The following ADAMTS17 variants were observed in gnomAD, a reference collection of about 807,000 sequenced individuals.
ADAMTS17 encodes the protein ADAM metallopeptidase with thrombospondin type 1 motif 17, also known as A disintegrin and metalloproteinase with thrombospondin motifs 17.
Under a neutral mutation model 141.5 loss-of-function variants are expected in ADAMTS17, and 113 were observed. The ratio of observed to expected loss-of-function variants is 0.80; its 90% CI spans 0.69 to 0.93. The LOEUF (loss-of-function observed/expected upper bound fraction) is 0.93, where lower values mean the gene tolerates loss of function less well. Among genes scored for constraint, ADAMTS17 ranks in the 40% least tolerant of loss-of-function variants. ADAMTS17 has a pLI of 0.00. For missense variants in ADAMTS17, 1,659 were observed against 1,517.9 expected (o/e 1.09, Z -1.54); for synonymous variants, 768 against 630.6 (o/e 1.22, Z -3.27).
chr15:100,268,006 T>A (rs528545968), intron 4 of ADAMTS17, among the ~76,000 whole-genome samples: 1 of 152,236 alleles, frequency 6.6e-6, no homozygotes, highest in Non-Finnish European at 1.5e-5. Context: ...TATATCCACA[T>A]GTACCCAGTG....
At chr15:100,154,987 C>G (rs556299262) in intron 9 of ADAMTS17, among the ~76,000 whole-genome samples, 193 bp downstream of exon 9, 75 of 152,226 alleles carry the variant, frequency 4.9e-4, no homozygotes, top group Non-Finnish European at 9.0e-4. Context: ...GTGCGCCCAT[C>G]GCTGGAGCAG....
At chr15:99,999,577 G>A (rs973030411) in intron 18 of ADAMTS17, among the ~76,000 whole-genome samples, 1 of 152,164 alleles carries the variant, frequency 6.6e-6, no homozygotes, top group Non-Finnish European at 1.5e-5. Flanking sequence ...GATTTGGGGG[G>A]CAGAAGGGTG....
At chr15:100,222,228 G>A (rs1468164184) in intron 7 of ADAMTS17, among the ~76,000 whole-genome samples, 1 of 152,190 alleles carries the variant, frequency 6.6e-6, no homozygotes, top group Non-Finnish European at 1.5e-5. Context: ...AGGAAGCAGA[G>A]TGCCAGGTAA....
At chr15:100,180,655 G>C (rs779709396) in intron 8 of ADAMTS17, among the ~76,000 whole-genome samples, 7 of 152,168 alleles carry the variant, frequency 4.6e-5, no homozygotes, top group Non-Finnish European at 8.8e-5. Flanking sequence ...CATGAACGCT[G>C]AATATCTTTC....
intron 7 of ADAMTS17, among the ~76,000 whole-genome samples, chr15:100,224,213 T>C (rs904465808): frequency 6.6e-6 from 1 of 152,126 alleles, no homozygotes; most frequent in African/African-American, 2.4e-5. Context: ...GTATTAACCA[T>C]CATGGTGGGG....
intron 6 of ADAMTS17, among the ~76,000 whole-genome samples, chr15:100,259,462 G>A (rs955222538): frequency 1.1e-4 from 17 of 152,338 alleles, no homozygotes; most frequent in Non-Finnish European, 1.9e-4. Context: ...TCTTGGGGAG[G>A]GCGGTGCCTG....
intron 15 of ADAMTS17, among the ~76,000 whole-genome samples, chr15:100,089,482 G>T (rs1299269842): frequency 2.0e-5 from 3 of 150,890 alleles, no homozygotes; most frequent in Non-Finnish European, 4.4e-5. Context: ...CCATTACTGG[G>T]TATATACCCA....
intron 18 of ADAMTS17, among the ~76,000 whole-genome samples, chr15:100,023,779 C>T (rs1349672394): frequency 6.6e-6 from 1 of 152,150 alleles, no homozygotes; most frequent in Non-Finnish European, 1.5e-5. Context: ...TGACAAGTGA[C>T]CTGGAGCTTA....
chr15:100,289,314 A>G (rs1418538682), intron 3 of ADAMTS17, among the ~76,000 whole-genome samples: 1 of 152,064 alleles, frequency 6.6e-6, no homozygotes, highest in East Asian at 1.9e-4. Flanking sequence ...TCCCTGAAAA[A>G]ACCAAGTTCC....
chr15:100,210,907 C>G (rs897085008), intron 7 of ADAMTS17, among the ~76,000 whole-genome samples: 1 of 152,064 alleles, frequency 6.6e-6, no homozygotes, highest in African/African-American at 2.4e-5. Flanking sequence ...CGAGACCATC[C>G]TGGCTAACAT....
In ADAMTS17 at chr15:100,003,578, T is replaced by C. The variant is rs577741545; in HGVS notation, c.2592-5989A>G. ...ATTAAAAAACGGTATGGTAAGATGT[T>C]TGCACACCTGTGTTCACAGCAGCAT... On this transcript the variant is annotated intron_variant, in intron 18 of 21. Transcript: ENST00000268070. Among the ~76,000 whole-genome samples, 4 of 152,192 alleles carry C rather than the reference T, an allele frequency of 2.6e-5. No homozygotes were observed. In the East Asian group the frequency reaches 7.7e-4, roughly 29 times the overall value.
chr15:100,072,426 C>CA (rs1441723077), intron 15 of ADAMTS17, among the ~76,000 whole-genome samples: 1 of 142,462 alleles, frequency 7.0e-6, no homozygotes, highest in Non-Finnish European at 1.6e-5. Flanking sequence ...CCTATGGAAC[C>CA]AAAAAAGAGC....
chr15:100,057,736 AG>A (rs2032711895), intron 15 of ADAMTS17, among the ~76,000 whole-genome samples: 4 of 152,128 alleles, frequency 2.6e-5, no homozygotes, highest in Admixed American at 2.6e-4. Context: ...CCTTAGGAAA[AG>A]GCAGCTTTCT....
chr15:100,144,865 T>C (rs182951034), intron 10 of ADAMTS17, among the ~76,000 whole-genome samples: 159 of 151,628 alleles, frequency 1.0e-3, no homozygotes, highest in Non-Finnish European at 4.7e-4. Flanking sequence ...GGCAAGCTAT[T>C]TTCCTTCAGA....
intron 3 of ADAMTS17, among the ~76,000 whole-genome samples, chr15:100,329,983 T>C (rs563408463): frequency 1.3e-5 from 2 of 152,150 alleles, no homozygotes; most frequent in African/African-American, 4.8e-5. Context: ...CATACAAAGA[T>C]AAGTCTTTAA....
At chr15:100,083,727 C>T (rs1008946379) in intron 15 of ADAMTS17, among the ~76,000 whole-genome samples, 4 of 149,438 alleles carry the variant, frequency 2.7e-5, no homozygotes, top group Non-Finnish European at 5.9e-5. Context: ...GTGCCCTGAT[C>T]CCCAGGCAGT....
intron 3 of ADAMTS17, among the ~76,000 whole-genome samples, chr15:100,323,105 G>GTT (rs2045784324): frequency 5.7e-4 from 61 of 107,140 alleles, no homozygotes; most frequent in Non-Finnish European, 1.1e-3. Flanking sequence ...AAAAAAAAAA[G>GTT]AATTATAAAT....
At chr15:100,326,500 G>A (rs2045906008) in intron 3 of ADAMTS17, among the ~76,000 whole-genome samples, 1 of 152,224 alleles carries the variant, frequency 6.6e-6, no homozygotes. Flanking sequence ...TAGCATCTAA[G>A]CTGTGGAAAT....
intron 7 of ADAMTS17, among the ~76,000 whole-genome samples, chr15:100,223,915 G>A (rs2042220055): frequency 6.6e-6 from 1 of 152,092 alleles, no homozygotes; most frequent in Non-Finnish European, 1.5e-5. Context: ...GCAAGGAGAA[G>A]CAGTCCGAGT....
Sources: gnomAD v4.1 joint callset for allele counts (sites outside exome capture counted in the v4.1 genomes callset) on GRCh38, gnomAD v4.1.1 for gene constraint, MANE v1.5 for transcripts, NCBI Gene and HGNC (gene_info 2026-07-23, HGNC 2026-07-21) for gene names.